The following ZNF765 variants were observed in gnomAD, a reference collection of about 807,000 sequenced individuals.
ZNF765 encodes zinc finger protein 765.
ZNF765 carries 37 observed loss-of-function variants against 44.7 expected under a neutral mutation model. The ratio of observed to expected loss-of-function variants is 0.83; its 90% CI spans 0.64 to 1.09. The LOEUF (loss-of-function observed/expected upper bound fraction) is 1.09, where lower values mean the gene tolerates loss of function less well. ZNF765 is among the 50% of genes least tolerant of loss of function. The pLI is 0.00. For missense variants in ZNF765, 594 were observed against 626.1 expected (o/e 0.95, Z 0.55); for synonymous variants, 201 against 213.7 (o/e 0.94, Z 0.52).
rs767233823 is a variant in ZNF765, at chr19:53,409,083, G to A, written c.1528G>A (p.Glu510Lys). 1 of 1,613,742 alleles carries A rather than the reference G, an allele frequency of 6.2e-7. No homozygotes were observed. The highest frequency in any genetic ancestry group is 1.1e-5 in the South Asian group (1 of 91,060). ...DEAFSFKSNL[E>K]RHRRIYTGEK... Reference sequence around the variant, plus strand: ...AGCTTTCAGTTTCAAATCAAACCTTGAAAGACATAGGAGAATTTATACTGG... The same window carrying A: ...AGCTTTCAGTTTCAAATCAAACCTTAAAAGACATAGGAGAATTTATACTGG... The change falls in exon 4 of 4, where the codon GAA (glutamate) becomes AAA (lysine). Residue 510 changes from glutamate (E) to lysine (K), a missense_variant. By Grantham distance (56) the Glu-to-Lys change is moderately conservative. Around this residue, in one of 2 missense-constraint regions of ZNF765, gnomAD observed 567 missense variants for 572.6 expected, o/e 0.99. Coordinates refer to ENST00000396408, the MANE Select transcript of ZNF765 (RefSeq NM_001040185.3).
At chr19:53,407,590 G>A in intron 3 of ZNF765, 108 bp from the exon 4 acceptor site, 1 of 824,974 alleles carries the variant, frequency 1.2e-6, no homozygotes, top group Non-Finnish European at 1.7e-6. Context: ...TGAGGGTCAT[G>A]TTTGCAAAGT....
chr19:53,395,780 A>G (rs1337265398), intron 1 of ZNF765, among the ~76,000 whole-genome samples: 1 of 152,180 alleles, frequency 6.6e-6, no homozygotes, highest in Non-Finnish European at 1.5e-5. Context: ...GCCCAGCTCC[A>G]GCCCCTGGAA....
At chr19:53,398,550 A>G (rs1048323750) in intron 2 of ZNF765, among the ~76,000 whole-genome samples, 3 of 152,232 alleles carry the variant, frequency 2.0e-5, no homozygotes, top group Non-Finnish European at 4.4e-5. Flanking sequence ...TGGAAAGTTC[A>G]TACACAGACA....
At chr19:53,426,814 C>T (rs2085942627) in exon 4 of ZNF765, 1 of 152,098 alleles carries the variant, frequency 6.6e-6, no homozygotes, top group African/African-American at 2.4e-5. Context: ...TAAACCAGTC[C>T]CTGGTGCCAA....
downstream of ZNF765, among the ~76,000 whole-genome samples, chr19:53,414,557 G>T (rs1225661821): frequency 7.1e-6 from 1 of 140,648 alleles, no homozygotes; most frequent in Non-Finnish European, 1.5e-5. Flanking sequence ...CACAAACTGC[G>T]GGCTCCCAGT....
At chr19:53,426,372 G>A (rs2085939629) in exon 4 of ZNF765, 1 of 152,112 alleles carries the variant, frequency 6.6e-6, no homozygotes, top group African/African-American at 2.4e-5. Context: ...GCAGGATCTG[G>A]GCTGCTTACT....
downstream of ZNF765, among the ~76,000 whole-genome samples, chr19:53,414,469 A>C (rs1377476670): frequency 5.1e-3 from 9 of 1,780 alleles, no homozygotes; most frequent in African/African-American, 0.014. Flanking sequence ...ACACACACAC[A>C]CACACACACA....
chr19:53,397,993 A>C lies in ZNF765; in HGVS notation c.-23A>C. The C allele has an allele frequency of 1.2e-6, 2 of 1,613,044 alleles. No homozygotes were observed. The highest frequency in any genetic ancestry group is 1.7e-6 in the Non-Finnish European group (2 of 1,179,954). ...TGTGAGGAAGAAACCTGGAAGAGGA[A>C]GAGGAAAGCAAAGGAGTCAGGGATG... On this transcript the variant is annotated 5_prime_UTR_variant, in exon 2 of 4. Transcript: ENST00000396408.
Position 53,410,252 on chromosome 19 carries a change from G to A in ZNF765, c.*1125G>A, listed in dbSNP as rs1299373991. On this transcript the variant is annotated 3_prime_UTR_variant, in exon 4 of 4. Coordinates refer to ENST00000396408, the MANE Select transcript of ZNF765 (RefSeq NM_001040185.3). Reference sequence around the variant, plus strand: ...CATAGAATTCATACTGGAGATAAACGTTACAAATGTGAAGCATGTGACAAA... The same window carrying A: ...CATAGAATTCATACTGGAGATAAACATTACAAATGTGAAGCATGTGACAAA... 1.4e-5 allele frequency: 5 copies of A among 357,204 alleles called. No individual in the cohort carries two copies. Among genetic ancestry groups the A allele is most frequent in the South Asian group, 9.7e-5 (4 of 41,098 alleles). 22.1% of individuals were successfully genotyped at this position (357,204 alleles called of 1,614,324 possible). A position where few individuals can be genotyped will look rare whatever the true frequency, so the allele number is the denominator to read the frequency against.
In ZNF765 at chr19:53,402,075, C is replaced by T; in HGVS notation, c.26C>T (p.Thr9Ile). 1 of 1,613,848 alleles carries T rather than the reference C, an allele frequency of 6.2e-7. No homozygotes were observed. The highest frequency in any genetic ancestry group is 2.2e-5 in the East Asian group (1 of 44,866). ...GTGTTTTCATTTCAGGGTCTATTGACATTCAGGGATGTGGCCATAGAATTC... is the reference window on the plus strand; with the variant it reads ...GTGTTTTCATTTCAGGGTCTATTGATATTCAGGGATGTGGCCATAGAATTC... Reference protein sequence around the residue: MALPQGLLTFRDVAIEFSQ... With the variant: MALPQGLLIFRDVAIEFSQ... The change falls in exon 3 of 4, where the codon ACA (threonine) becomes ATA (isoleucine). Residue 9 changes from threonine (T) to isoleucine (I), a missense_variant. Thr to Ile is a moderately conservative substitution (Grantham distance 89). This residue lies in a region of ZNF765 where 27 missense variants were observed against 53.6 expected (regional missense o/e 0.50). Coordinates refer to ENST00000396408, the MANE Select transcript of ZNF765 (RefSeq NM_001040185.3).
rs1394213685 is a variant in ZNF765, at chr19:53,409,225, G to A, written c.*98G>A. On this transcript the variant is annotated 3_prime_UTR_variant, in exon 4 of 4. Transcript: ENST00000396408. Reference sequence around the variant, plus strand: ...TTACAAATATGAAGAACTTGACAAAGCTTACAATTTCAAATCAAACCTTGA... The same window carrying A: ...TTACAAATATGAAGAACTTGACAAAACTTACAATTTCAAATCAAACCTTGA... 4.0e-6 allele frequency: 5 copies of A among 1,245,050 alleles called. No homozygotes were observed. Among genetic ancestry groups the A allele is most frequent in the Non-Finnish European group, 5.9e-6 (5 of 849,498 alleles). The allele number at this position is 1,245,050 out of a possible 1,614,324, so 77.1% of individuals were successfully genotyped here.
chr19:53,408,327 G>A lies in ZNF765; in HGVS notation c.772G>A (p.Val258Ile), dbSNP rs201592752. 47 of 1,614,044 alleles carry A rather than the reference G, an allele frequency of 2.9e-5. No individual in the cohort carries two copies. Among genetic ancestry groups the A allele is most frequent in the Middle Eastern group, 1.6e-4 (1 of 6,084 alleles). ...CGKVFNSKRY[V>I]ARHRRCHTGE... is the part of the protein sequence containing the mutation. ...CAAGGTCTTTAATTCGAAGCGATAC[G>A]TTGCACGCCATCGTAGATGTCACAC... is the stretch of plus-strand genomic sequence containing the variant. The change falls in exon 4 of 4, where the codon GTT (valine) becomes ATT (isoleucine). Residue 258 changes from valine (V) to isoleucine (I), a missense_variant. Val to Ile is a conservative substitution (Grantham distance 29). This residue lies in a region of ZNF765 where 567 missense variants were observed against 572.6 expected (regional missense o/e 0.99). Coordinates refer to ENST00000396408, the MANE Select transcript of ZNF765 (RefSeq NM_001040185.3).
At chr19:53,414,489 ACCCC>A (rs1160212994), downstream of ZNF765, among the ~76,000 whole-genome samples, 11 of 5,094 alleles carry the variant, frequency 2.2e-3, 1 homozygote, top group East Asian at 0.01. Flanking sequence ...ACACACACAC[ACCCC>A]CCCCCCCCCC....
rs2085829506 is a variant in ZNF765, at chr19:53,411,116, A to T, written c.*1989A>T. ...GAGTTGAAGCCTTAATTGACATTAAAGTGTTTATGTTAAGAGGACTGGGCC... is the reference window on the plus strand; with the variant it reads ...GAGTTGAAGCCTTAATTGACATTAATGTGTTTATGTTAAGAGGACTGGGCC... On this transcript the variant is annotated 3_prime_UTR_variant, in exon 4 of 4. Transcript: ENST00000396408. The T allele has an allele frequency of 4.3e-6, 1 of 234,508 alleles. No homozygotes were observed. Among genetic ancestry groups the T allele is most frequent in the Non-Finnish European group, 8.6e-6 (1 of 116,140 alleles). The allele number at this position is 234,508 out of a possible 1,614,324, so 14.5% of individuals were successfully genotyped here.
At chr19:53,423,272 G>A (rs2085918456) in exon 4 of ZNF765, 2 of 676,034 alleles carry the variant, frequency 3.0e-6, no homozygotes, top group Non-Finnish European at 5.4e-6. Flanking sequence ...ATACCACGAA[G>A]ACAAAAGATC....
chr19:53,398,269 G>C (rs1443759176), intron 2 of ZNF765, among the ~76,000 whole-genome samples: 3 of 152,222 alleles, frequency 2.0e-5, no homozygotes, highest in Non-Finnish European at 4.4e-5. Context: ...CCCAGACATG[G>C]ATGGAGATGG....
Position 53,411,110 on chromosome 19 carries a change from C to T in ZNF765, c.*1983C>T. The T allele has an allele frequency of 4.2e-6, 1 of 238,386 alleles. No homozygotes were observed. The highest frequency in any genetic ancestry group is 1.2e-4 in the East Asian group (1 of 8,136). The allele number at this position is 238,386 out of a possible 1,614,324, so 14.8% of individuals were successfully genotyped here. On this transcript the variant is annotated 3_prime_UTR_variant, in exon 4 of 4. Coordinates refer to ENST00000396408, the MANE Select transcript of ZNF765 (RefSeq NM_001040185.3). ...AACATTGAGTTGAAGCCTTAATTGA[C>T]ATTAAAGTGTTTATGTTAAGAGGAC...
chr19:53,409,901 C>A lies in ZNF765; in HGVS notation c.*774C>A. 1.6e-6 allele frequency: 1 copy of A among 636,014 alleles called. No homozygotes were observed. Among genetic ancestry groups the A allele is most frequent in the Non-Finnish European group, 3.0e-6 (1 of 328,230 alleles). The allele number at this position is 636,014 out of a possible 1,614,324, so 39.4% of individuals were successfully genotyped here. On this transcript the variant is annotated 3_prime_UTR_variant, in exon 4 of 4. Coordinates refer to ENST00000396408, the MANE Select transcript of ZNF765 (RefSeq NM_001040185.3). ...TGAGTGTAGAAAAACCTTTCATGGGCAGTCAGCATTTTACAAATGTAATGA... is the reference window on the plus strand; with the variant it reads ...TGAGTGTAGAAAAACCTTTCATGGGAAGTCAGCATTTTACAAATGTAATGA...
intron 3 of ZNF765, among the ~76,000 whole-genome samples, chr19:53,417,280 C>T (rs1299472597): frequency 6.6e-6 from 1 of 152,100 alleles, no homozygotes; most frequent in Admixed American, 6.6e-5. Flanking sequence ...CTCCCTTCTC[C>T]CACCCTATGC....
Sources: allele counts gnomAD v4.1 joint callset (sites outside exome capture counted in the v4.1 genomes callset), GRCh38; gene constraint gnomAD v4.1.1; regional missense constraint gnomAD v4.1.1; transcripts MANE v1.5; gene names NCBI Gene and HGNC (gene_info 2026-07-23, HGNC 2026-07-21).